Variants in DCUN1D4 observed in about 807,000 individuals in gnomAD.
DCUN1D4 encodes DCN1-like protein 4.
In DCUN1D4, 22 loss-of-function variants were observed where a neutral mutation model predicts 47.9. The ratio of observed to expected loss-of-function variants is 0.46; its 90% CI spans 0.33 to 0.66. The LOEUF is 0.66. Among genes scored for constraint, DCUN1D4 ranks in the 30% least tolerant of loss-of-function variants. The probability of loss-of-function intolerance (pLI) is 0.02; values close to 1 mark genes in which losing one functional copy is unlikely to be tolerated. For synonymous variants in DCUN1D4, 121 were observed against 112.2 expected (o/e 1.08, Z -0.50); for missense variants, 301 against 340.8 (o/e 0.88, Z 0.92).
intron 7 of DCUN1D4, among the ~76,000 whole-genome samples, chr4:51,896,006 G>C (rs777145108): frequency 2.0e-5 from 3 of 152,134 alleles, no homozygotes; most frequent in Non-Finnish European, 2.9e-5. Flanking sequence ...GGCAACCTGT[G>C]GTTCTGGACA....
At chr4:51,836,068 G>A in the DCUN1D4 span, among the ~76,000 whole-genome samples, 1 of 152,142 alleles carries the variant, frequency 6.6e-6, no homozygotes, top group African/African-American at 2.4e-5. Flanking sequence ...ACCAGACTCG[G>A]GAGGAAAGCT....
At chr4:51,874,961 A>AGTTTAGTAAG (rs1475166022) in intron 4 of DCUN1D4, 3 of 152,286 alleles carry the variant, frequency 2.0e-5, no homozygotes, top group African/African-American at 7.2e-5. Context: ...TTTCACCCTG[A>AGTTTAGTAAG]GTTTAGTAAG....
intron 8 of DCUN1D4, among the ~76,000 whole-genome samples, chr4:51,903,039 C>T (rs1427285732): frequency 6.6e-6 from 1 of 152,070 alleles, no homozygotes; most frequent in Non-Finnish European, 1.5e-5. Context: ...CTATAAATGT[C>T]GCAATATGCT....
intron 1 of DCUN1D4, among the ~76,000 whole-genome samples, chr4:51,852,850 A>C (rs1723569720): frequency 6.6e-6 from 1 of 152,186 alleles, no homozygotes; most frequent in African/African-American, 2.4e-5. Context: ...GTTGGGACTC[A>C]GTTGGAGCTC....
intron 3 of DCUN1D4, among the ~76,000 whole-genome samples, chr4:51,868,343 C>T (rs1256067261): frequency 6.6e-6 from 1 of 152,222 alleles, no homozygotes; most frequent in African/African-American, 2.4e-5. Context: ...GCTCCTCCTC[C>T]ACTGCAGCCC....
In DCUN1D4 at chr4:51,913,643, A is replaced by G; in HGVS notation, c.*59A>G. On this transcript the variant is annotated 3_prime_UTR_variant, in exon 11 of 11. Transcript: ENST00000334635. ...ACCACAGTTTTGTCACCCATTAGCC[A>G]TAAATTGCTGTTTGTATCAAAGCGC... 1 of 1,497,172 alleles carries G rather than the reference A, an allele frequency of 6.7e-7. No homozygotes were observed. The highest frequency in any genetic ancestry group is 9.3e-7 in the Non-Finnish European group (1 of 1,078,408). The allele number at this position is 1,497,172 out of a possible 1,614,324, so 92.7% of individuals were successfully genotyped here.
intron 1 of DCUN1D4, among the ~76,000 whole-genome samples, chr4:51,849,749 A>AAAGT (rs1560450529): frequency 6.6e-6 from 1 of 151,792 alleles, no homozygotes; most frequent in Non-Finnish European, 1.5e-5. Flanking sequence ...TTGTCCCCCA[A>AAAGT]AAGTTGGGAT....
the DCUN1D4 span, among the ~76,000 whole-genome samples, chr4:51,834,042 T>TTCTCTCTCTCTC: frequency 1.2e-4 from 6 of 51,882 alleles, no homozygotes; most frequent in South Asian, 1.2e-3. Flanking sequence ...TTAGGAGTCT[T>TTCTCTCTCTCTC]TCTCTCTCTC....
intron 3 of DCUN1D4, chr4:51,865,242 T>C (rs1045625800): frequency 3.6e-5 from 8 of 220,930 alleles, no homozygotes; most frequent in Admixed American, 3.5e-4. Flanking sequence ...TCCTTTATGA[T>C]ACCACCTCCT....
chr4:51,848,587 T>A (rs1399016241), intron 1 of DCUN1D4, among the ~76,000 whole-genome samples: 1 of 152,242 alleles, frequency 6.6e-6, no homozygotes, highest in African/African-American at 2.4e-5. Flanking sequence ...ATTCTTCTCA[T>A]AGCTTGCTTT....
chr4:51,860,452 C>A, intron 1 of DCUN1D4: 1 of 372,242 alleles, frequency 2.7e-6, no homozygotes, highest in Non-Finnish European at 5.4e-6. Flanking sequence ...GTATATGAGT[C>A]GCAGTGCCAT....
At chr4:51,847,113 C>T (rs564431605) in intron 1 of DCUN1D4, among the ~76,000 whole-genome samples, 59 of 152,224 alleles carry the variant, frequency 3.9e-4, no homozygotes, top group African/African-American at 1.3e-3. Context: ...TATGGCCTTT[C>T]GTAGGGTGGA....
chr4:51,851,056 G>A (rs1054220122), intron 1 of DCUN1D4, among the ~76,000 whole-genome samples: 1 of 152,236 alleles, frequency 6.6e-6, no homozygotes, highest in South Asian at 2.1e-4. Context: ...ATTACTGTGT[G>A]ATGACAGTCT....
At chr4:51,900,247 G>C (rs1731896634) in intron 8 of DCUN1D4, among the ~76,000 whole-genome samples, 1 of 151,034 alleles carries the variant, frequency 6.6e-6, no homozygotes, top group African/African-American at 2.4e-5. Context: ...CAGCACCAAA[G>C]GTTTATTTGA....
At chr4:51,908,922 C>G (rs1296836917) in intron 8 of DCUN1D4, 1 of 455,990 alleles carries the variant, frequency 2.2e-6, no homozygotes, top group Non-Finnish European at 4.4e-6. Context: ...TTTGCTAGGC[C>G]GAAGATGGTG....
intron 1 of DCUN1D4, among the ~76,000 whole-genome samples, chr4:51,847,752 C>T (rs1213150692): frequency 6.6e-6 from 1 of 152,096 alleles, no homozygotes; most frequent in Non-Finnish European, 1.5e-5. Flanking sequence ...CTGCACCCGG[C>T]TCCAGCTGCC....
At position 51,877,799 on chromosome 4, in the gene DCUN1D4, T is replaced by C. The variant is rs1025645464; in HGVS notation, c.288T>C (p.Thr96=). The C allele has an allele frequency of 1.9e-6, 3 of 1,611,962 alleles. No homozygotes were observed. The highest frequency in any genetic ancestry group is 2.5e-6 in the Non-Finnish European group (3 of 1,179,228). Residue 96 remains threonine, a synonymous_variant, in exon 5 of 11, where the codon ACT becomes ACC. Coordinates refer to ENST00000334635, the MANE Select transcript of DCUN1D4 (RefSeq NM_001040402.3). ...YRKYDSTRIK[T]EEEAFSSKRC... is the part of the protein sequence containing the mutation. ...AATATGATTCGACTAGAATAAAGAC[T>C]GAAGAAGAAGCCTTTTCAAGTAAAA...
intron 5 of DCUN1D4, among the ~76,000 whole-genome samples, chr4:51,878,612 C>A (rs559062754): frequency 2.0e-5 from 3 of 152,272 alleles, no homozygotes; most frequent in African/African-American, 7.2e-5. Flanking sequence ...TCCTGAACAA[C>A]CTCAACCACT....
upstream of DCUN1D4, chr4:51,842,909 T>A (rs999431670): frequency 6.1e-6 from 3 of 488,438 alleles, no homozygotes; most frequent in Non-Finnish European, 9.4e-6. Flanking sequence ...TGGGGGTGAC[T>A]GACAGCAGCC....
Sources: allele counts gnomAD v4.1 joint callset (sites outside exome capture counted in the v4.1 genomes callset), GRCh38; gene constraint gnomAD v4.1.1; transcripts MANE v1.5; gene names NCBI Gene and HGNC (gene_info 2026-07-23, HGNC 2026-07-21).